JARID2: variants seen among roughly 807,000 people sequenced by gnomAD.
JARID2 encodes protein Jumonji.
In JARID2, 21 loss-of-function variants were observed where a neutral mutation model predicts 125.6. The observed-to-expected ratio is 0.17, with a 90% CI of 0.12 to 0.24. The LOEUF is 0.24. JARID2 is among the 10% of genes least tolerant of loss of function. The pLI, the probability that JARID2 is intolerant of heterozygous loss-of-function variation, is 1.00. For missense variants in JARID2, 1,303 were observed against 1,639.6 expected, an observed-to-expected ratio of 0.79 and a Z score of 3.55; for synonymous variants, 736 against 661.6, an observed-to-expected ratio of 1.11 and a Z score of -1.73.
chr6:15,467,041 C>T (rs2127672837), intron 4 of JARID2, among the ~76,000 whole-genome samples: 1 of 152,298 alleles, frequency 6.6e-6, no homozygotes, highest in African/African-American at 2.4e-5. Flanking sequence ...CATATCCACT[C>T]AGTAATGTGG....
intron 13 of JARID2, 84 bp downstream of exon 13, chr6:15,511,485 C>A: frequency 1.1e-6 from 1 of 919,942 alleles, no homozygotes; most frequent in Non-Finnish European, 1.8e-6. Flanking sequence ...ACCCGCCTTT[C>A]AAAGGCAATG....
intron 2 of JARID2, among the ~76,000 whole-genome samples, chr6:15,402,179 A>C (rs553871035): frequency 3.3e-5 from 5 of 152,340 alleles, no homozygotes; most frequent in Admixed American, 6.5e-5. Context: ...TCAGGACACA[A>C]AGTTTGTGGA....
intron 1 of JARID2, among the ~76,000 whole-genome samples, chr6:15,255,886 C>G (rs912705922): frequency 2.0e-5 from 3 of 152,270 alleles, no homozygotes; most frequent in South Asian, 2.1e-4. Context: ...CAGATTTGGA[C>G]AGGCTTGTGA....
chr6:15,413,002 G>GTGTT (rs1765952689), intron 3 of JARID2, among the ~76,000 whole-genome samples: 5 of 46,534 alleles, frequency 1.1e-4, no homozygotes, highest in South Asian at 6.8e-4. Flanking sequence ...AAGAGCTTGT[G>GTGTT]TTTTTGTTTT....
chr6:15,331,016 C>T (rs1482204789), intron 1 of JARID2, among the ~76,000 whole-genome samples: 8 of 152,052 alleles, frequency 5.3e-5, no homozygotes, highest in Admixed American at 2.6e-4. Context: ...GTGAAAGGAG[C>T]GGTATTTCAG....
rs575105650 is a variant in JARID2, at chr6:15,330,094, C to G, written c.46-44023C>G. On this transcript the variant is annotated intron_variant, in intron 1 of 17. Transcript: ENST00000341776. ...TATATATGTGCTCTAGGAGTGAATT[C>G]TGGTGAGAACGTTTGTATTCTTTCC... Among the ~76,000 whole-genome samples the G allele has an allele frequency of 2.0e-5, 3 of 152,278 alleles. No homozygotes were observed. In the East Asian group the frequency reaches 5.8e-4, roughly 29 times the overall value.
chr6:15,494,413 C>CTT lies in JARID2; in HGVS notation c.907-1700_907-1699dup, dbSNP rs60218567. On this transcript the variant is annotated intron_variant, in intron 6 of 17. Coordinates refer to ENST00000341776, the MANE Select transcript of JARID2 (RefSeq NM_004973.4). ...ACTGGTTTGGATGTTTTTGGCAAGTCTTTTTTTTTTTTTTTTTTTTGAGAC... is the reference window on the plus strand; with the variant it reads ...ACTGGTTTGGATGTTTTTGGCAAGTCTTTTTTTTTTTTTTTTTTTTTTGAGAC... 1.6e-3 allele frequency among the ~76,000 whole-genome samples: 128 copies of CTT among 80,572 alleles called. 9 individuals carry two copies. Among genetic ancestry groups the CTT allele is most frequent in the Admixed American group, 3.8e-3 (20 of 5,224 alleles). The allele number at this position is 80,572 out of a possible 152,430, so 52.9% of individuals were successfully genotyped here.
intron 1 of JARID2, among the ~76,000 whole-genome samples, chr6:15,322,986 A>T (rs190092609): frequency 2.0e-5 from 3 of 152,234 alleles, no homozygotes; most frequent in Non-Finnish European, 4.4e-5. Context: ...TTCATTTGAG[A>T]TTGGACTGTA....
chr6:15,463,425 C>G (rs1444569511), intron 4 of JARID2, among the ~76,000 whole-genome samples: 1 of 88,430 alleles, frequency 1.1e-5, no homozygotes, highest in African/African-American at 5.0e-5. Flanking sequence ...GAGCCCTTTC[C>G]TTTTTTTTTT....
chr6:15,373,971 C>T (rs1764260197), intron 1 of JARID2, 146 bp from the exon 2 acceptor site: 1 of 843,428 alleles, frequency 1.2e-6, no homozygotes. Context: ...GCCCCTTTAC[C>T]TTATGGGTGT....
At chr6:15,383,994 G>T (rs187509872) in intron 2 of JARID2, among the ~76,000 whole-genome samples, 2 of 151,582 alleles carry the variant, frequency 1.3e-5, no homozygotes, top group Non-Finnish European at 2.9e-5. Flanking sequence ...GAGTTTCTCC[G>T]TGTTGGTCAG....
At chr6:15,341,429 A>G (rs905698917) in intron 1 of JARID2, among the ~76,000 whole-genome samples, 1 of 152,342 alleles carries the variant, frequency 6.6e-6, no homozygotes, top group South Asian at 2.1e-4. Flanking sequence ...AAAGTAGACA[A>G]AGTTTCTAGG....
intron 3 of JARID2, among the ~76,000 whole-genome samples, chr6:15,437,024 C>T (rs1048907490): frequency 1.3e-5 from 2 of 152,048 alleles, no homozygotes; most frequent in African/African-American, 4.8e-5. Context: ...TGCAGGCCAC[C>T]CTGTCCTTCA....
chr6:15,509,184 C>A (rs1771155668), intron 12 of JARID2: 1 of 1,272,856 alleles, frequency 7.9e-7, no homozygotes, highest in Non-Finnish European at 1.0e-6. Context: ...CTCACTGCAC[C>A]CATCCCTGAT....
At chr6:15,261,901 C>T (rs1759894594) in intron 1 of JARID2, among the ~76,000 whole-genome samples, 1 of 151,772 alleles carries the variant, frequency 6.6e-6, no homozygotes, top group Admixed American at 6.6e-5. Context: ...CTGCCTCAGC[C>T]TCCCAAGTAG....
intron 1 of JARID2, among the ~76,000 whole-genome samples, chr6:15,267,160 T>C (rs1295995884): frequency 1.3e-5 from 2 of 152,188 alleles, no homozygotes; most frequent in Non-Finnish European, 2.9e-5. Flanking sequence ...GATGGTGAAT[T>C]CAACACTCTG....
Position 15,496,943 on chromosome 6 carries a change from A to G in JARID2, c.1718A>G (p.Tyr573Cys). 4 of 1,607,368 alleles carry G rather than the reference A, an allele frequency of 2.5e-6. No individual in the cohort carries two copies. Among genetic ancestry groups the G allele is most frequent in the Non-Finnish European group, 3.4e-6 (4 of 1,175,128 alleles). Reference protein sequence around the residue: ...SAKEFHDPLIYIESVRAQVEK... With the variant: ...SAKEFHDPLICIESVRAQVEK... ...AAGGAGTTCCACGATCCGCTCATCTACATCGAGTCGGTCCGCGCTCAGGTG... is the reference window on the plus strand; with the variant it reads ...AAGGAGTTCCACGATCCGCTCATCTGCATCGAGTCGGTCCGCGCTCAGGTG... The change falls in exon 7 of 18, where the codon TAC becomes TGC. Residue 573 changes from tyrosine to cysteine, a missense_variant. Physicochemically the swap from Tyr to Cys is radical, Grantham distance 194. Coordinates refer to ENST00000341776, the MANE Select transcript of JARID2 (RefSeq NM_004973.4).
chr6:15,521,133 C>T lies in JARID2; in HGVS notation c.*882C>T, dbSNP rs544272948. 8.5e-5 allele frequency: 14 copies of T among 165,008 alleles called. No individual in the cohort carries two copies. Among genetic ancestry groups the T allele is most frequent in the East Asian group, 1.8e-4 (1 of 5,506 alleles). The allele number at this position is 165,008 out of a possible 1,614,324, so 10.2% of individuals were successfully genotyped here. On this transcript the variant is annotated 3_prime_UTR_variant, in exon 18 of 18. Transcript: ENST00000341776. Reference sequence around the variant, plus strand: ...GAAGCCGTAAGTGCTTCTTTGTCATCGACGTGCAATCTTTCTAACATTCCA... The same window carrying T: ...GAAGCCGTAAGTGCTTCTTTGTCATTGACGTGCAATCTTTCTAACATTCCA...
At chr6:15,433,721 A>G (rs1767071391) in intron 3 of JARID2, among the ~76,000 whole-genome samples, 1 of 152,152 alleles carries the variant, frequency 6.6e-6, no homozygotes, top group Non-Finnish European at 1.5e-5. Flanking sequence ...TGCATCATAC[A>G]GGACTGGGGA....
Sources: allele counts gnomAD v4.1 joint callset (sites outside exome capture counted in the v4.1 genomes callset), GRCh38; gene constraint gnomAD v4.1.1; transcripts MANE v1.5; gene names NCBI Gene and HGNC (gene_info 2026-07-23, HGNC 2026-07-21).